The following ADK variants were observed in gnomAD, a reference collection of about 807,000 sequenced individuals.
ADK encodes adenosine kinase.
ADK carries 24 observed loss-of-function variants against 44.7 expected under a neutral mutation model. That is an observed-to-expected ratio of 0.54 (90% CI 0.39 to 0.76). The LOEUF (loss-of-function observed/expected upper bound fraction) is 0.76, where lower values mean the gene tolerates loss of function less well. ADK is among the 30% of genes least tolerant of loss of function. The pLI is 0.00. For synonymous variants in ADK, 128 were observed against 142.6 expected, an observed-to-expected ratio of 0.90 and a Z score of 0.73; for missense variants, 321 against 425.1, an observed-to-expected ratio of 0.76 and a Z score of 2.15.
chr10:74,638,215 T>C (rs1486097070), intron 9 of ADK, among the ~76,000 whole-genome samples: 1 of 152,210 alleles, frequency 6.6e-6, no homozygotes, highest in Non-Finnish European at 1.5e-5. Context: ...TGATTATTTT[T>C]CTTGAGTTGG....
intron 3 of ADK, among the ~76,000 whole-genome samples, chr10:74,234,673 C>T (rs894831447): frequency 6.6e-6 from 1 of 152,040 alleles, no homozygotes; most frequent in Non-Finnish European, 1.5e-5. Flanking sequence ...AAAGTGAGCT[C>T]ATATTGATGA....
chr10:74,648,787 G>C (rs187372251), intron 9 of ADK, among the ~76,000 whole-genome samples: 3 of 152,162 alleles, frequency 2.0e-5, no homozygotes, highest in Non-Finnish European at 4.4e-5. Flanking sequence ...CTGTATAAGA[G>C]CAAGGTTTTT....
intron 6 of ADK, among the ~76,000 whole-genome samples, chr10:74,464,375 C>T (rs1014282448): frequency 1.3e-5 from 2 of 151,136 alleles, no homozygotes; most frequent in Admixed American, 6.6e-5. Flanking sequence ...AGGGAGACCC[C>T]CATCTCTATT....
rs568209542 is a variant in ADK, at chr10:74,333,377, G to A, written c.273+18632G>A. Among the ~76,000 whole-genome samples the A allele has an allele frequency of 5.9e-5, 9 of 152,244 alleles. No homozygotes were observed. In the South Asian group the frequency reaches 1.0e-3, roughly 18 times the overall value. ...CAGGGATACGAATGAGAAGTATAAC[G>A]CCATAGAAGGCATGAGCATTAGTAA... On this transcript the variant is annotated intron_variant, in intron 4 of 10. Transcript: ENST00000539909.
chr10:74,263,844 A>G (rs1024385798), intron 3 of ADK, among the ~76,000 whole-genome samples: 3 of 152,166 alleles, frequency 2.0e-5, no homozygotes, highest in Non-Finnish European at 2.9e-5. Context: ...CGTAATTTAT[A>G]TGTAATTTAT....
chr10:74,290,558 A>C (rs1370616951), intron 3 of ADK, among the ~76,000 whole-genome samples: 1 of 152,078 alleles, frequency 6.6e-6, no homozygotes, highest in East Asian at 1.9e-4. Flanking sequence ...TCATCTAGTA[A>C]GATGTTAAAT....
intron 3 of ADK, among the ~76,000 whole-genome samples, chr10:74,240,317 C>A (rs763423233): frequency 3.7e-4 from 56 of 151,488 alleles, no homozygotes; most frequent in Non-Finnish European, 6.3e-4. Flanking sequence ...ATAATCCTAT[C>A]AAAATATTCC....
At chr10:74,186,548 C>T (rs1020667892) in intron 1 of ADK, among the ~76,000 whole-genome samples, 4 of 151,842 alleles carry the variant, frequency 2.6e-5, no homozygotes, top group Non-Finnish European at 5.9e-5. Flanking sequence ...AAGTGATCCA[C>T]CCACCTCGGC....
chr10:74,300,394 C>G (rs1476650233), intron 3 of ADK, among the ~76,000 whole-genome samples: 2 of 147,658 alleles, frequency 1.4e-5, no homozygotes, highest in Non-Finnish European at 3.0e-5. Flanking sequence ...TTTCTCTTTT[C>G]TCAACAGGGT....
chr10:74,203,483 CAAG>C (rs1215180366), intron 2 of ADK, among the ~76,000 whole-genome samples: 5 of 151,984 alleles, frequency 3.3e-5, no homozygotes, highest in Admixed American at 3.3e-4. Context: ...TTCAGCCTCC[CAAG>C]TAACTGAGAC....
chr10:74,431,859 A>G (rs2169682), intron 6 of ADK, among the ~76,000 whole-genome samples: 90,479 of 151,832 alleles, frequency 0.6, 29,783 homozygotes, highest in Middle Eastern at 0.77. Flanking sequence ...ACCTGAAAAA[A>G]TTAAATTCCA....
chr10:74,290,515 C>T (rs1284816145), intron 3 of ADK, among the ~76,000 whole-genome samples: 1 of 151,794 alleles, frequency 6.6e-6, no homozygotes, highest in Non-Finnish European at 1.5e-5. Context: ...ACTCTACAAA[C>T]CATTGATAAC....
chr10:74,307,424 C>T (rs951802772), intron 3 of ADK, among the ~76,000 whole-genome samples: 1 of 152,152 alleles, frequency 6.6e-6, no homozygotes, highest in Non-Finnish European at 1.5e-5. Flanking sequence ...CCAGTTCTGG[C>T]CTGCCCCTGT....
At chr10:74,242,854 G>T (rs769119053) in intron 3 of ADK, among the ~76,000 whole-genome samples, 1 of 152,168 alleles carries the variant, frequency 6.6e-6, no homozygotes, top group Non-Finnish European at 1.5e-5. Context: ...TCGGGGAAGA[G>T]ACTACTGCTG....
At chr10:74,165,620 A>T (rs1336530315) in intron 1 of ADK, among the ~76,000 whole-genome samples, 1 of 152,094 alleles carries the variant, frequency 6.6e-6, no homozygotes, top group Non-Finnish European at 1.5e-5. Flanking sequence ...CCGAGAGGTT[A>T]AGAGTCCCTA....
Position 74,365,263 on chromosome 10 carries a change from C to T in ADK, c.274-28878C>T, listed in dbSNP as rs369489886. Among the ~76,000 whole-genome samples, 10 of 152,304 alleles carry T rather than the reference C, an allele frequency of 6.6e-5. No individual in the cohort carries two copies. In the East Asian group the frequency reaches 1.4e-3, roughly 21 times the overall value. ...CCCCAAAGGGAAACTCCATACCCAT[C>T]AAGCAGTCATTTGTCATTCTCCCCT... On this transcript the variant is annotated intron_variant, in intron 4 of 10. Transcript: ENST00000539909.
intron 1 of ADK, among the ~76,000 whole-genome samples, chr10:74,169,348 G>A (rs536135510): frequency 1.1e-4 from 16 of 152,292 alleles, no homozygotes; most frequent in African/African-American, 3.6e-4. Context: ...AAATGATAGT[G>A]ATATTCACTT....
chr10:74,648,592 C>T (rs1039871197), intron 9 of ADK, among the ~76,000 whole-genome samples: 3 of 151,832 alleles, frequency 2.0e-5, no homozygotes, highest in South Asian at 2.1e-4. Context: ...GCAGGAGAAT[C>T]GCTTGAACCT....
chr10:74,517,322 T>G (rs754615816), intron 6 of ADK, among the ~76,000 whole-genome samples: 6 of 152,138 alleles, frequency 3.9e-5, no homozygotes, highest in Non-Finnish European at 7.3e-5. Flanking sequence ...TTGAGGGAGT[T>G]ATGTGGGATA....
Sources: allele counts gnomAD v4.1 joint callset (sites outside exome capture counted in the v4.1 genomes callset), GRCh38; gene constraint gnomAD v4.1.1; transcripts MANE v1.5; gene names NCBI Gene and HGNC (gene_info 2026-07-23, HGNC 2026-07-21).